TYW1: variants seen among roughly 807,000 people sequenced by gnomAD.
TYW1 encodes the protein S-adenosyl-L-methionine-dependent tRNA 4-demethylwyosine synthase TYW1.
In TYW1, 46 loss-of-function variants were observed where a neutral mutation model predicts 96.2. That is an observed-to-expected ratio of 0.48 (90% CI 0.38 to 0.61). The LOEUF is 0.61. Ranked by LOEUF, TYW1 falls within the 20% of genes least tolerant of loss-of-function variation. The pLI, the probability that TYW1 is intolerant of heterozygous loss-of-function variation, is 0.00. For synonymous variants in TYW1, 274 were observed against 323.0 expected (o/e 0.85, Z 1.63); for missense variants, 684 against 909.6 (o/e 0.75, Z 3.19).
At chr7:67,074,112 C>T (rs948921329) in intron 10 of TYW1, among the ~76,000 whole-genome samples, 1 of 151,382 alleles carries the variant, frequency 6.6e-6, no homozygotes. Context: ...ACCAAAAAAC[C>T]ACTTTTTAGG....
intron 10 of TYW1, among the ~76,000 whole-genome samples, chr7:67,068,024 C>CTT (rs562212918): frequency 2.7e-4 from 38 of 140,884 alleles, no homozygotes; most frequent in African/African-American, 4.1e-4. Flanking sequence ...TTTTTCTTTT[C>CTT]TTTTTTTTTT....
chr7:67,059,296 G>A (rs1795623792), intron 9 of TYW1, among the ~76,000 whole-genome samples: 2 of 151,346 alleles, frequency 1.3e-5, no homozygotes, highest in South Asian at 4.2e-4. Flanking sequence ...GTAGAGACGG[G>A]GTTTCACCTT....
At chr7:67,083,033 A>C (rs1169518764) in intron 10 of TYW1, among the ~76,000 whole-genome samples, 1 of 152,104 alleles carries the variant, frequency 6.6e-6, no homozygotes, top group Admixed American at 6.5e-5. Context: ...AGGCCCTGTC[A>C]GTGTGATTTC....
In TYW1 at chr7:67,183,171, G is replaced by A. The variant is rs754509946; in HGVS notation, c.1744G>A (p.Val582Met). Residue 582 changes from valine to methionine, a missense_variant, in exon 14 of 16, where the codon GTG becomes ATG. Transcript: ENST00000359626. Reference sequence around the variant, plus strand: ...ACTGACGCTCGTGAAAGCATGGAACGTGGACGAGCTCCAGGCCTACGCGCA... The same window carrying A: ...ACTGACGCTCGTGAAAGCATGGAACATGGACGAGCTCCAGGCCTACGCGCA... The part of the protein sequence containing the change: ...YRLTLVKAWN[V>M]DELQAYAQLV... The A allele has an allele frequency of 2.5e-6, 4 of 1,612,214 alleles. No individual in the cohort carries two copies. Among genetic ancestry groups the A allele is most frequent in the Non-Finnish European group, 2.5e-6 (3 of 1,179,020 alleles).
intron 15 of TYW1, among the ~76,000 whole-genome samples, chr7:67,201,273 C>T (rs1800590113): frequency 1.4e-5 from 2 of 141,008 alleles, no homozygotes; most frequent in Admixed American, 1.5e-4. Flanking sequence ...CTAGCTCAGC[C>T]TGGACAACAG....
chr7:67,163,823 C>T (rs991644912), intron 13 of TYW1, among the ~76,000 whole-genome samples: 8 of 152,038 alleles, frequency 5.3e-5, no homozygotes, highest in African/African-American at 1.9e-4. Flanking sequence ...CATGCGCTAC[C>T]ACGTCCAGCT....
At chr7:67,186,270 C>CCCT in intron 14 of TYW1, among the ~76,000 whole-genome samples, 1 of 67,042 alleles carries the variant, frequency 1.5e-5, no homozygotes, top group African/African-American at 6.4e-5. Context: ...TTTCTTCCCC[C>CCCT]CCGCCCCACC....
intron 13 of TYW1, among the ~76,000 whole-genome samples, chr7:67,125,591 A>T (rs1419872895): frequency 6.6e-6 from 1 of 152,000 alleles, no homozygotes; most frequent in Non-Finnish European, 1.5e-5. Context: ...CATGGTCTGT[A>T]TTTTACATTA....
chr7:67,095,897 T>A (rs1796894355), intron 11 of TYW1, among the ~76,000 whole-genome samples: 1 of 152,196 alleles, frequency 6.6e-6, no homozygotes, highest in African/African-American at 2.4e-5. Flanking sequence ...CGTTCTTTGT[T>A]ACTGTTGTTA....
chr7:67,180,576 A>C (rs1016325053), intron 13 of TYW1, among the ~76,000 whole-genome samples: 2 of 151,218 alleles, frequency 1.3e-5, no homozygotes, highest in Admixed American at 6.6e-5. Flanking sequence ...ACTTGTAGAA[A>C]AGTGTTTTTT....
intron 13 of TYW1, among the ~76,000 whole-genome samples, chr7:67,127,159 C>CT (rs201670664): frequency 0.017 from 2,142 of 129,698 alleles, 58 homozygotes; most frequent in African/African-American, 0.053. Flanking sequence ...ATAAAATAAT[C>CT]TTTTTTTTTT....
At chr7:67,024,113 G>A (rs1251786765) in intron 6 of TYW1, among the ~76,000 whole-genome samples, 2 of 152,096 alleles carry the variant, frequency 1.3e-5, no homozygotes, top group African/African-American at 2.4e-5. Context: ...GGCAGGTGAA[G>A]TGTTAGTTGT....
intron 10 of TYW1, among the ~76,000 whole-genome samples, chr7:67,080,174 A>G (rs1563001730): frequency 1.3e-5 from 2 of 152,130 alleles, no homozygotes; most frequent in Non-Finnish European, 2.9e-5. Context: ...TGTGATGTTG[A>G]TGCCCCCAAC....
intron 9 of TYW1, among the ~76,000 whole-genome samples, chr7:67,058,058 C>T (rs1429575722): frequency 2.0e-5 from 3 of 152,110 alleles, no homozygotes; most frequent in Non-Finnish European, 2.9e-5. Context: ...CCTCAGCCTC[C>T]CGAGTAGCTG....
intron 10 of TYW1, among the ~76,000 whole-genome samples, chr7:67,072,278 ACT>A (rs1796052672): frequency 7.7e-6 from 1 of 129,420 alleles, no homozygotes; most frequent in Non-Finnish European, 1.6e-5. Context: ...ACGGAGTCTC[ACT>A]CTGTCACCCA....
chr7:67,120,208 A>C (rs541951689), intron 13 of TYW1, among the ~76,000 whole-genome samples: 2 of 151,962 alleles, frequency 1.3e-5, no homozygotes, highest in Admixed American at 6.6e-5. Context: ...CAGCCTCCCC[A>C]GTAGCTAGGA....
intron 11 of TYW1, among the ~76,000 whole-genome samples, chr7:67,092,161 C>T (rs66859603): frequency 0.24 from 36,871 of 151,978 alleles, 4,771 homozygotes; most frequent in African/African-American, 0.32. Flanking sequence ...TTTCTCATAC[C>T]CTACATCCAA....
At chr7:67,115,693 AAAAACAGGAT>A (rs1221139351) in intron 12 of TYW1, among the ~76,000 whole-genome samples, 1 of 152,172 alleles carries the variant, frequency 6.6e-6, no homozygotes, top group African/African-American at 2.4e-5. Flanking sequence ...GGATAAAAAG[AAAAACAGGAT>A]TCTTGCTCTT....
At chr7:67,058,226 G>A (rs561049530) in intron 9 of TYW1, among the ~76,000 whole-genome samples, 49 of 152,344 alleles carry the variant, frequency 3.2e-4, no homozygotes, top group African/African-American at 5.5e-4. Context: ...AGGCCACTGC[G>A]CCTGGCCTAC....
Sources: allele counts gnomAD v4.1 joint callset (sites outside exome capture counted in the v4.1 genomes callset), GRCh38; gene constraint gnomAD v4.1.1; transcripts MANE v1.5; gene names NCBI Gene and HGNC (gene_info 2026-07-23, HGNC 2026-07-21).